Variants in AFTPH observed in about 807,000 individuals in gnomAD.
AFTPH encodes aftiphilin.
In AFTPH, 7 loss-of-function variants were observed where a neutral mutation model predicts 72.5. The ratio of observed to expected loss-of-function variants is 0.10; its 90% CI spans 0.05 to 0.18. The LOEUF (loss-of-function observed/expected upper bound fraction) is 0.18, where lower values mean the gene tolerates loss of function less well. Among genes scored for constraint, AFTPH ranks in the 10% least tolerant of loss-of-function variants. The probability of loss-of-function intolerance (pLI) is 1.00; values close to 1 mark genes in which losing one functional copy is unlikely to be tolerated. For missense variants in AFTPH, 979 were observed against 1,060.5 expected, an observed-to-expected ratio of 0.92 and a Z score of 1.07; for synonymous variants, 337 against 370.1, an observed-to-expected ratio of 0.91 and a Z score of 1.03.
chr2:64,550,713 AC>A (rs1558604992), intron 1 of AFTPH, among the ~76,000 whole-genome samples: 1 of 149,848 alleles, frequency 6.7e-6, no homozygotes, highest in Non-Finnish European at 1.5e-5. Flanking sequence ...ACACACACAC[AC>A]ACACACACAC....
chr2:64,581,143 C>A, intron 7 of AFTPH, 47 bp from the exon 8 acceptor site: 1 of 1,466,668 alleles, frequency 6.8e-7, no homozygotes, highest in Non-Finnish European at 9.3e-7. Context: ...CCTCCCTTGG[C>A]TTACCTTCTG....
chr2:64,571,266 C>A (rs1430098064), intron 5 of AFTPH, among the ~76,000 whole-genome samples: 1 of 142,280 alleles, frequency 7.0e-6, no homozygotes, highest in African/African-American at 3.0e-5. Context: ...CACCGCCCCC[C>A]ACCCCCCTGT....
At chr2:64,569,179 G>C (rs1402966966) in exon 4 of AFTPH, 1 of 1,614,030 alleles carries the variant, frequency 6.2e-7, no homozygotes, top group East Asian at 2.2e-5. Context: ...ATAGCAACAA[G>C]AAGCTTTTGT....
intron 7 of AFTPH, chr2:64,581,230 G>T (rs775763001): frequency 1.4e-5 from 22 of 1,601,268 alleles, no homozygotes; most frequent in East Asian, 2.3e-5. Flanking sequence ...ATTTCTTTGG[G>T]CCCGTGGATG....
intron 6 of AFTPH, among the ~76,000 whole-genome samples, chr2:64,578,002 T>G (rs1672927202): frequency 6.6e-6 from 1 of 152,098 alleles, no homozygotes; most frequent in Non-Finnish European, 1.5e-5. Context: ...AAGAACACCC[T>G]TAATAGTCAC....
At chr2:64,576,366 C>T (rs779048219) in intron 6 of AFTPH, among the ~76,000 whole-genome samples, 1 of 152,028 alleles carries the variant, frequency 6.6e-6, no homozygotes, top group Non-Finnish European at 1.5e-5. Context: ...GTCTGTCTGT[C>T]CTATCCCAAT....
At chr2:64,568,719 C>T (rs1417116666) in intron 3 of AFTPH, among the ~76,000 whole-genome samples, 1 of 152,188 alleles carries the variant, frequency 6.6e-6, no homozygotes, top group African/African-American at 2.4e-5. Context: ...AAGCAGTTCT[C>T]CTGCCTCAGC....
rs200001917 is a variant in AFTPH, at chr2:64,569,757, T to C, written c.2271+78T>C. On this transcript the variant is annotated intron_variant, in intron 5 of 8. Coordinates refer to ENST00000238856, the Ensembl canonical transcript of AFTPH. ...AAAATCATCTTAAAATACACTTCTATGTCATGCTATATAAGAGACATTTAG... is the reference window on the plus strand; with the variant it reads ...AAAATCATCTTAAAATACACTTCTACGTCATGCTATATAAGAGACATTTAG... 1.5e-5 allele frequency: 20 copies of C among 1,321,082 alleles called. No individual in the cohort carries two copies. In the East Asian group the frequency reaches 4.6e-4, roughly 31 times the overall value. 81.8% of individuals were successfully genotyped at this position (1,321,082 alleles called of 1,614,324 possible).
At chr2:64,561,967 G>C (rs976925822) in intron 2 of AFTPH, among the ~76,000 whole-genome samples, 1 of 152,134 alleles carries the variant, frequency 6.6e-6, no homozygotes, top group Non-Finnish European at 1.5e-5. Flanking sequence ...ACCACAAAAT[G>C]TGGGGAAAAA....
intron 2 of AFTPH, among the ~76,000 whole-genome samples, chr2:64,558,327 A>G (rs1036315310): frequency 2.0e-5 from 3 of 152,214 alleles, no homozygotes; most frequent in African/African-American, 7.2e-5. Flanking sequence ...GTGAAAGGAC[A>G]TATAACAAAA....
chr2:64,566,154 G>A (rs780435083), intron 2 of AFTPH, among the ~76,000 whole-genome samples: 3 of 152,112 alleles, frequency 2.0e-5, no homozygotes, highest in African/African-American at 4.8e-5. Context: ...ATGTCTGTCC[G>A]TTCTCTCTGT....
chr2:64,584,829 T>G (rs750128471), intron 7 of AFTPH, among the ~76,000 whole-genome samples: 1 of 152,056 alleles, frequency 6.6e-6, no homozygotes, highest in Non-Finnish European at 1.5e-5. Flanking sequence ...ATCTCCTGAC[T>G]TTGTGATCTG....
At chr2:64,540,053 A>G (rs1186916017) in intron 1 of AFTPH, among the ~76,000 whole-genome samples, 1 of 152,242 alleles carries the variant, frequency 6.6e-6, no homozygotes, top group African/African-American at 2.4e-5. Flanking sequence ...GAAGAAAAAC[A>G]GAAGGTCCAG....
chr2:64,548,668 G>A (rs1018745003), intron 1 of AFTPH, among the ~76,000 whole-genome samples: 1 of 152,070 alleles, frequency 6.6e-6, no homozygotes, highest in Non-Finnish European at 1.5e-5. Flanking sequence ...ATCGCAAAGT[G>A]ATTTTAAATA....
intron 1 of AFTPH, among the ~76,000 whole-genome samples, chr2:64,546,850 C>G (rs1455259327): frequency 1.4e-5 from 2 of 144,638 alleles, no homozygotes; most frequent in African/African-American, 5.2e-5. Flanking sequence ...CTGGCTAACA[C>G]AGTGAAACCC....
chr2:64,573,127 A>G, intron 6 of AFTPH, 59 bp downstream of exon 6: 1 of 1,254,260 alleles, frequency 8.0e-7, no homozygotes, highest in East Asian at 2.4e-5. Context: ...ATATATCCAC[A>G]CATACTGCCT....
At chr2:64,555,808 C>T (rs1389658035) in intron 2 of AFTPH, among the ~76,000 whole-genome samples, 1 of 152,116 alleles carries the variant, frequency 6.6e-6, no homozygotes, top group Non-Finnish European at 1.5e-5. Context: ...CAAAGACTCT[C>T]GTTCTTACCC....
At chr2:64,573,378 G>A (rs1672562852) in intron 6 of AFTPH, among the ~76,000 whole-genome samples, 1 of 149,726 alleles carries the variant, frequency 6.7e-6, no homozygotes. Context: ...GTCCCTTACA[G>A]TTTGAATATT....
exon 4 of AFTPH, chr2:64,569,174 A>C (rs1373427602): frequency 6.2e-7 from 1 of 1,613,952 alleles, no homozygotes. Flanking sequence ...CTCCCATAGC[A>C]ACAAGAAGCT....
Sources: gnomAD v4.1 joint callset for allele counts (sites outside exome capture counted in the v4.1 genomes callset) on GRCh38, gnomAD v4.1.1 for gene constraint, MANE v1.5 for transcripts, NCBI Gene and HGNC (gene_info 2026-07-23, HGNC 2026-07-21) for gene names.